The following NME9 variants were observed in gnomAD, a reference collection of about 807,000 sequenced individuals.
NME9 encodes NME/NM23 family member 9, also known as thioredoxin domain-containing protein 6.
Under a neutral mutation model 44.4 loss-of-function variants are expected in NME9, and 48 were observed. The ratio of observed to expected loss-of-function variants is 1.08; its 90% CI spans 0.86 to 1.37. The LOEUF is 1.37. Ranked by LOEUF, NME9 falls within the 40% of genes most tolerant of loss-of-function variation. NME9 has a pLI of 0.00. For missense variants in NME9, 325 were observed against 405.2 expected (o/e 0.80, Z 1.70); for synonymous variants, 139 against 147.1 (o/e 0.94, Z 0.40).
At chr3:138,293,571 A>T (rs143276768) in intron 8 of NME9, among the ~76,000 whole-genome samples, 3 of 152,180 alleles carry the variant, frequency 2.0e-5, no homozygotes, top group East Asian at 3.9e-4. Context: ...AGAACTAAAA[A>T]ACTGCAGCCC....
chr3:138,325,048 G>C, intron 1 of NME9, 118 bp from the exon 2 acceptor site: 1 of 778,978 alleles, frequency 1.3e-6, no homozygotes, highest in Non-Finnish European at 2.2e-6. Context: ...TACAGTTCAA[G>C]TTATCCTCTC....
intron 8 of NME9, among the ~76,000 whole-genome samples, chr3:138,266,124 C>T (rs1344859676): frequency 6.6e-6 from 1 of 152,190 alleles, no homozygotes; most frequent in Non-Finnish European, 1.5e-5. Flanking sequence ...TAACATTGAA[C>T]TTGACCCATT....
chr3:138,282,140 C>A (rs970264499), intron 8 of NME9, among the ~76,000 whole-genome samples: 1 of 152,210 alleles, frequency 6.6e-6, no homozygotes, highest in Admixed American at 6.5e-5. Context: ...TAAAGCCTGG[C>A]AGAGACTGGT....
At chr3:138,325,726 A>G (rs1041843657) in intron 1 of NME9, among the ~76,000 whole-genome samples, 2 of 151,906 alleles carry the variant, frequency 1.3e-5, no homozygotes, top group Non-Finnish European at 2.9e-5. Context: ...ACATTTCTGT[A>G]TAATGTTTTT....
intron 8 of NME9, chr3:138,264,102 G>T (rs368111389): frequency 6.3e-7 from 1 of 1,595,196 alleles, no homozygotes; most frequent in Admixed American, 1.7e-5. Context: ...TTGATTTCTT[G>T]TGAAGCTAAT....
intron 6 of NME9, among the ~76,000 whole-genome samples, chr3:138,309,492 C>T (rs1183227723): frequency 6.6e-6 from 1 of 152,108 alleles, no homozygotes; most frequent in Non-Finnish European, 1.5e-5. Flanking sequence ...CAAGACCAAC[C>T]TGGCCAACAT....
chr3:138,329,693 C>G lies in NME9; in HGVS notation c.-358G>C. ...GCCTGTCGGGCACAGGGTCGCCAGTCGAGGAATTCTGACAAAAAAACGACA... is the reference window on the plus strand; with the variant it reads ...GCCTGTCGGGCACAGGGTCGCCAGTGGAGGAATTCTGACAAAAAAACGACA... On this transcript the variant is annotated 5_prime_UTR_variant, in exon 1 of 11. Transcript: ENST00000333911. The G allele has an allele frequency of 8.8e-7, 1 of 1,136,202 alleles. No individual in the cohort carries two copies. The highest frequency in any genetic ancestry group is 1.1e-6 in the Non-Finnish European group (1 of 925,002). 70.4% of individuals were successfully genotyped at this position (1,136,202 alleles called of 1,614,324 possible).
chr3:138,264,323 A>G (rs1282905610), intron 8 of NME9: 1 of 737,888 alleles, frequency 1.4e-6, no homozygotes, highest in Non-Finnish European at 2.3e-6. Context: ...TGTGTAGAGC[A>G]TTTTGAACGT....
At position 138,329,776 on chromosome 3, in the gene NME9, A is replaced by G. The variant is rs1336628984; in HGVS notation, c.-441T>C. 4 of 994,202 alleles carry G rather than the reference A, an allele frequency of 4.0e-6. No homozygotes were observed. The highest frequency in any genetic ancestry group is 4.8e-6 in the Non-Finnish European group (4 of 835,720). 61.6% of individuals were successfully genotyped at this position (994,202 alleles called of 1,614,324 possible). ...TTACTGGGAAAGTGAGCCACTGCGA[A>G]CGACAGGTACAAGATCTTCGACGCG... is the stretch of plus-strand genomic sequence containing the variant. On this transcript the variant is annotated 5_prime_UTR_variant, in exon 1 of 11. Coordinates refer to ENST00000333911, the MANE Select transcript of NME9 (RefSeq NM_001349018.2).
In NME9 at chr3:138,305,354, G is replaced by A. The variant is rs74728729; in HGVS notation, c.637-327C>T. On this transcript the variant is annotated intron_variant, in intron 8 of 10. Coordinates refer to ENST00000333911, the MANE Select transcript of NME9 (RefSeq NM_001349018.2). ...TTAAAAGACCATATCTATGGAAATC[G>A]TGTGATGCTGGATAACCAAGGGCTG... Among the ~76,000 whole-genome samples the A allele has an allele frequency of 1.6e-3, 241 of 152,288 alleles. 9 individuals are homozygous for A. In the East Asian group the frequency reaches 0.038, roughly 24 times the overall value.
At chr3:138,281,215 T>TGG (rs1371676377) in intron 8 of NME9, among the ~76,000 whole-genome samples, 1 of 151,980 alleles carries the variant, frequency 6.6e-6, no homozygotes, top group Non-Finnish European at 1.5e-5. Flanking sequence ...ATTAATGGTG[T>TGG]GGGTGTGTGT....
intron 8 of NME9, among the ~76,000 whole-genome samples, chr3:138,285,228 C>T (rs2050294141): frequency 6.6e-6 from 1 of 152,218 alleles, no homozygotes; most frequent in South Asian, 2.1e-4. Flanking sequence ...TTACCTGCCC[C>T]TCATTCTTTA....
intron 10 of NME9, chr3:138,303,235 T>G: frequency 3.0e-6 from 1 of 329,120 alleles, no homozygotes; most frequent in Non-Finnish European, 5.6e-6. Flanking sequence ...GAAATGCAAA[T>G]AAAGTACTTT....
intron 8 of NME9, among the ~76,000 whole-genome samples, chr3:138,295,202 A>G (rs530360918): frequency 6.6e-6 from 1 of 152,206 alleles, no homozygotes; most frequent in East Asian, 1.9e-4. Context: ...CCCGGCCTAC[A>G]TTCTATCTTT....
intron 6 of NME9, among the ~76,000 whole-genome samples, chr3:138,307,939 A>C (rs1375943385): frequency 1.3e-5 from 2 of 152,182 alleles, no homozygotes; most frequent in Non-Finnish European, 1.5e-5. Flanking sequence ...CATTTCAGGG[A>C]GTAGTGAGCG....
At chr3:138,322,030 TG>T (rs1453524456) in intron 2 of NME9, among the ~76,000 whole-genome samples, 1 of 151,924 alleles carries the variant, frequency 6.6e-6, no homozygotes, top group Non-Finnish European at 1.5e-5. Flanking sequence ...GATAAAGTTC[TG>T]GGCTTTTCTG....
chr3:138,294,655 T>C (rs1475472164), intron 8 of NME9, among the ~76,000 whole-genome samples: 1 of 152,174 alleles, frequency 6.6e-6, no homozygotes, highest in Non-Finnish European at 1.5e-5. Context: ...TTTGATCAGC[T>C]ATTGTACCTG....
downstream of NME9, among the ~76,000 whole-genome samples, chr3:138,299,471 TGTG>T (rs1488704551): frequency 1.4e-4 from 21 of 152,256 alleles, no homozygotes; most frequent in East Asian, 1.4e-3. Flanking sequence ...GCTTCTGTTG[TGTG>T]AAACCAGGCC....
At chr3:138,288,956 T>G in intron 8 of NME9, 1 of 1,012,950 alleles carries the variant, frequency 9.9e-7, no homozygotes, top group Non-Finnish European at 1.5e-6. Flanking sequence ...ACTTTTAGGT[T>G]ATAGGAATTG....
Sources: allele counts gnomAD v4.1 joint callset (sites outside exome capture counted in the v4.1 genomes callset), GRCh38; gene constraint gnomAD v4.1.1; transcripts MANE v1.5; gene names NCBI Gene and HGNC (gene_info 2026-07-23, HGNC 2026-07-21).